Variants in FBN3 observed in about 807,000 individuals in gnomAD.
The protein encoded by FBN3 is fibrillin-3.
In FBN3, 234 loss-of-function variants were observed where a neutral mutation model predicts 330.1. That is an observed-to-expected ratio of 0.71 (90% CI 0.64 to 0.79). The LOEUF (loss-of-function observed/expected upper bound fraction) is 0.79. FBN3 is among the 30% of genes least tolerant of loss of function. FBN3 has a pLI of 0.00. For missense variants in FBN3, 3,606 were observed against 3,886.9 expected (o/e 0.93, Z 1.92); for synonymous variants, 1,458 against 1,517.3 (o/e 0.96, Z 0.91).
Position 8,096,443 on chromosome 19 carries a change from C to G in FBN3, c.5539+1G>C. ...AAGGAGGGGGAAGATAAGGGTCTCA[C>G]CCATGCACAGGGTCTGGTCTGCAGA... On this transcript the variant is annotated splice_donor_variant, in intron 44 of 63. Transcript: ENST00000600128. LOFTEE classifies it high-confidence loss of function. The surrounding 1 kb of genome is among the most constrained non-coding windows in gnomAD (Gnocchi z 4.6). 1 of 1,613,222 alleles carries G rather than the reference C, an allele frequency of 6.2e-7. No individual in the cohort carries two copies. Among genetic ancestry groups the G allele is most frequent in the Non-Finnish European group, 8.5e-7 (1 of 1,179,564 alleles).
chr19:8,144,846 T>G (rs1438955394), intron 6 of FBN3, 31 bp downstream of exon 6: 2 of 1,544,438 alleles, frequency 1.3e-6, no homozygotes, highest in Admixed American at 1.9e-5. Context: ...TCGAGTCCCC[T>G]GTCTACCTCC....
rs375980475 is a variant in FBN3 at position 8,072,045 on chromosome 19, C to A, written c.8088+3G>T. 6.2e-7 allele frequency: 1 copy of A among 1,611,066 alleles called. No homozygotes were observed. Among genetic ancestry groups the A allele is most frequent in the African/African-American group, 1.3e-5 (1 of 74,884 alleles). On this transcript the variant is annotated splice_donor_region_variant and intron_variant, in intron 63 of 63. Coordinates refer to ENST00000600128, the MANE Select transcript of FBN3 (RefSeq NM_032447.5). ...CCCCTGCCTAGTGCAGCACCCATGT[C>A]ACCTGGTGGTCCCTGTGGGCACTGC...
intron 18 of FBN3, among the ~76,000 whole-genome samples, chr19:8,128,562 CAAA>C (rs113391470): frequency 5.0e-5 from 5 of 100,286 alleles, no homozygotes; most frequent in Admixed American, 1.1e-4. Flanking sequence ...GACTCTGTCT[CAAA>C]AAAAAAAAAA....
rs149392122 is a variant in FBN3 at position 8,073,671 on chromosome 19, C to A, written c.7703-374G>T. ...TTCCACCCGCTTGACACCAGGAAAA[C>A]CTATCCGCCTCCAATTGTCTGTTTG... is the stretch of plus-strand genomic sequence containing the variant. On this transcript the variant is annotated intron_variant, in intron 61 of 63. Coordinates refer to ENST00000600128, the MANE Select transcript of FBN3 (RefSeq NM_032447.5). 8.7e-3 allele frequency among the ~76,000 whole-genome samples: 1,324 copies of A among 152,270 alleles called. 4 individuals carry two copies. The highest frequency in any genetic ancestry group is 0.013 in the Non-Finnish European group (894 of 68,018).
In FBN3 at chr19:8,132,379, C is replaced by T. The variant is rs1599421451; in HGVS notation, c.1715-550G>A. Among the ~76,000 whole-genome samples the T allele has an allele frequency of 2.0e-5, 3 of 151,692 alleles. No homozygotes were observed. The East Asian group carries it at 5.8e-4, about 29-fold the overall frequency. On this transcript the variant is annotated intron_variant, in intron 14 of 63. Transcript: ENST00000600128. ...TTTTTTAGGTAGAAATGGCGTCTGA[C>T]TATGTTGCTCAGGCTGGTCTCGAAC... is the stretch of plus-strand genomic sequence containing the variant.
At chr19:8,104,920 TTCTTC>T (rs143072871) in intron 38 of FBN3, among the ~76,000 whole-genome samples, 5,418 of 148,280 alleles carry the variant, frequency 0.037, 148 homozygotes, top group Non-Finnish European at 0.055. Flanking sequence ...CTTTCTTTCT[TTCTTC>T]TCTTTCTTTC....
chr19:8,097,177 A>G, intron 42 of FBN3, 112 bp downstream of exon 42: 1 of 1,481,670 alleles, frequency 6.7e-7, no homozygotes. Flanking sequence ...TTAGCCCATT[A>G]TACATACAGG....
chr19:8,095,906 A>C (rs2082198069), intron 45 of FBN3, 58 bp downstream of exon 45: 13 of 1,096,410 alleles, frequency 1.2e-5, no homozygotes, highest in Non-Finnish European at 1.7e-5. Context: ...TTCTAGATTC[A>C]CTTCCTTAGA....
intron 41 of FBN3, among the ~76,000 whole-genome samples, chr19:8,099,095 G>A (rs1357113670): frequency 6.6e-6 from 1 of 151,982 alleles, no homozygotes; most frequent in African/African-American, 2.4e-5. Context: ...CATCATTTAC[G>A]TAAAATGCCC....
chr19:8,145,929 C>T lies in FBN3; in HGVS notation c.359G>A (p.Cys120Tyr), dbSNP rs1370856801. ...GCCCCCATTCATACAGCTCACACTG[C>T]ACCCTGACCCTGGGGACAGGAAGGC... Reference protein sequence around the residue: ...PSCGVSRGSGCSVSCMNGGTC... With the variant: ...PSCGVSRGSGYSVSCMNGGTC... Residue 120 changes from cysteine to tyrosine, a missense_variant, in exon 5 of 64, where the codon TGC becomes TAC. By Grantham distance (194) the Cys-to-Tyr change is radical. Transcript: ENST00000600128. The T allele has an allele frequency of 1.3e-6, 2 of 1,551,192 alleles. No individual in the cohort carries two copies. Among genetic ancestry groups the T allele is most frequent in the South Asian group, 2.4e-5 (2 of 84,056 alleles).
At chr19:8,090,487 G>GTGGT (rs560965481) in intron 48 of FBN3, among the ~76,000 whole-genome samples, 1 of 141,458 alleles carries the variant, frequency 7.1e-6, no homozygotes, top group African/African-American at 2.6e-5. Flanking sequence ...GGTGGTGGTG[G>GTGGT]TTTTTTTTTT....
chr19:8,135,936 G>GACCCCCC, intron 13 of FBN3, 25 bp downstream of exon 13: 3 of 668,778 alleles, frequency 4.5e-6, no homozygotes, highest in Non-Finnish European at 7.2e-6. Context: ...GGAAGCCCCT[G>GACCCCCC]CCCACCCGCC....
At position 8,117,203 on chromosome 19, in the gene FBN3, G is replaced by T. The variant is rs1781737443; in HGVS notation, c.3552C>A (p.Gly1184=). The T allele has an allele frequency of 6.2e-7, 1 of 1,614,070 alleles. No homozygotes were observed. The highest frequency in any genetic ancestry group is 8.5e-7 in the Non-Finnish European group (1 of 1,179,982). The change falls in exon 28 of 64, where the codon GGC becomes GGA. Residue 1184 remains glycine (G), a synonymous_variant. Coordinates refer to ENST00000600128, the MANE Select transcript of FBN3 (RefSeq NM_032447.5). ...EGSYRCSCGQ[G]YSLMPDGRAC... ...CCCTTCCGTCGGGCATCAGCGAGTA[G>T]CCCTGCCCACAGCTGCACCGGTAGC...
chr19:8,092,713 A>C (rs1281884633), intron 47 of FBN3, among the ~76,000 whole-genome samples: 1 of 147,380 alleles, frequency 6.8e-6, no homozygotes, highest in African/African-American at 2.5e-5. Flanking sequence ...CCACCAAAAA[A>C]AAAAAAAAAA....
intron 59 of FBN3, among the ~76,000 whole-genome samples, chr19:8,078,222 C>A (rs1013195369): frequency 1.3e-4 from 20 of 152,136 alleles, no homozygotes; most frequent in Non-Finnish European, 4.4e-5. Context: ...GACAGGAACA[C>A]CCTGAGACAA....
chr19:8,141,807 G>A lies in FBN3; in HGVS notation c.775C>T (p.Gln259Ter). The A allele has an allele frequency of 2.5e-6, 4 of 1,614,160 alleles. No individual in the cohort carries two copies. In the South Asian group the frequency reaches 4.4e-5, roughly 18 times the overall value. Reference protein sequence around the residue: ...DECQAVPGLCQGGSCVNMVGS... With the variant: ...DECQAVPGLC ...ACCATGTTGACGCAGCTGCCTCCCT[G>A]GCACAGGCCTGGCACAGCCTGGCAC... Residue 259 changes from glutamine to a stop codon, truncating the protein, a stop_gained, in exon 8 of 64, where the codon CAG becomes TAG. Coordinates refer to ENST00000600128, the MANE Select transcript of FBN3 (RefSeq NM_032447.5). LOFTEE classifies it high-confidence loss of function.
intron 32 of FBN3, 41 bp downstream of exon 32, chr19:8,111,607 G>A (rs756996950): frequency 2.1e-6 from 3 of 1,423,674 alleles, no homozygotes; most frequent in Non-Finnish European, 2.9e-6. Flanking sequence ...CCCCGTGGCT[G>A]TCCCTCTAGG....
At position 8,086,277 on chromosome 19, in the gene FBN3, C is replaced by T. The variant is rs1341909764; in HGVS notation, c.6803G>A (p.Cys2268Tyr). 11 of 1,612,654 alleles carry T rather than the reference C, an allele frequency of 6.8e-6. No individual in the cohort carries two copies. The highest frequency in any genetic ancestry group is 9.3e-6 in the Non-Finnish European group (11 of 1,179,216). ...CCGGAAGCTGCCCGCGGTGTTGACA[C>T]AGCGGCCGTTGACACAGAGGTCAGG... ...AQPDLCVNGR[C>Y]VNTAGSFRCD... Residue 2268 changes from cysteine to tyrosine, a missense_variant, in exon 55 of 64, where the codon TGT becomes TAT. Cys to Tyr is a radical substitution (Grantham distance 194). Transcript: ENST00000600128.
chr19:8,145,403 G>A (rs538189729), intron 5 of FBN3, among the ~76,000 whole-genome samples: 1 of 145,116 alleles, frequency 6.9e-6, no homozygotes, highest in African/African-American at 2.6e-5. Context: ...AAAAAGGGCC[G>A]GGCACGGTAG....
Sources: gnomAD v4.1 joint callset for allele counts (sites outside exome capture counted in the v4.1 genomes callset) on GRCh38, gnomAD v4.1.1 for gene constraint, Gnocchi (gnomAD v3.1) non-coding constraint, MANE v1.5 for transcripts, NCBI Gene and HGNC (gene_info 2026-07-23, HGNC 2026-07-21) for gene names.